Variants in MACROD2 observed in about 807,000 individuals in gnomAD.
The protein encoded by MACROD2 is mono-ADP ribosylhydrolase 2, also known as ADP-ribose glycohydrolase MACROD2.
In MACROD2, 36 loss-of-function variants were observed where a neutral mutation model predicts 70.4. The ratio of observed to expected loss-of-function variants is 0.51; its 90% CI spans 0.39 to 0.68. The LOEUF is 0.68. Among genes scored for constraint, MACROD2 ranks in the 30% least tolerant of loss-of-function variants. The pLI is 0.00. For missense variants in MACROD2, 496 were observed against 538.4 expected (o/e 0.92, Z 0.78); for synonymous variants, 172 against 178.8 (o/e 0.96, Z 0.30).
In MACROD2 at chr20:14,087,407, A is replaced by G. The variant is rs116569045; in HGVS notation, c.271+1679A>G. ...TTGAGACCATGTCTCAAAAAAAAAA[A>G]AAAGGATTGGATGTCAGTTGCTTTG... On this transcript the variant is annotated intron_variant, in intron 3 of 17. Coordinates refer to ENST00000684519, the MANE Select transcript of MACROD2 (RefSeq NM_001351661.2). Among the ~76,000 whole-genome samples, 1,153 of 152,156 alleles carry G rather than the reference A, an allele frequency of 7.6e-3. 15 individuals carry two copies. The highest frequency in any genetic ancestry group is 0.026 in the African/African-American group (1,082 of 41,508).
intron 4 of MACROD2, among the ~76,000 whole-genome samples, chr20:14,579,718 A>G (rs1404963783): frequency 6.6e-6 from 1 of 152,194 alleles, no homozygotes; most frequent in African/African-American, 2.4e-5. Flanking sequence ...TATTGCAATC[A>G]TTTTGTATTT....
At chr20:15,845,041 T>C (rs2064215042) in intron 8 of MACROD2, among the ~76,000 whole-genome samples, 1 of 152,162 alleles carries the variant, frequency 6.6e-6, no homozygotes, top group Non-Finnish European at 1.5e-5. Context: ...TCTAGTCAGC[T>C]AGTGAAACAA....
At position 14,757,638 on chromosome 20, in the gene MACROD2, T is replaced by G. The variant is rs2071958477; in HGVS notation, c.418+72679T>G. ...GAGGGAGTCATGGTGGCCAAGGACA[T>G]CCACATGCCTAAGCACCTGGAGCTG... On this transcript the variant is annotated intron_variant, in intron 5 of 17. Transcript: ENST00000684519. 3.5e-5 allele frequency: 42 copies of G among 1,213,492 alleles called. 2 individuals carry two copies. The South Asian group carries it at 4.9e-4, about 14-fold the overall frequency. 75.2% of individuals were successfully genotyped at this position (1,213,492 alleles called of 1,614,324 possible).
intron 8 of MACROD2, among the ~76,000 whole-genome samples, chr20:15,721,737 G>T (rs2423979): frequency 5.3e-5 from 8 of 151,842 alleles, no homozygotes; most frequent in African/African-American, 1.9e-4. Flanking sequence ...ATTTTGGGTG[G>T]ATCACACAAA....
At chr20:14,610,602 C>T (rs1208252720) in intron 4 of MACROD2, among the ~76,000 whole-genome samples, 1 of 151,950 alleles carries the variant, frequency 6.6e-6, no homozygotes, top group Non-Finnish European at 1.5e-5. Context: ...TTGCTTGTTG[C>T]TGATATTGTA....
chr20:14,571,581 T>C (rs1198452114), intron 4 of MACROD2, among the ~76,000 whole-genome samples: 1 of 152,100 alleles, frequency 6.6e-6, no homozygotes, highest in Admixed American at 6.5e-5. Context: ...TCATGGTCTC[T>C]AGTTGGAGCA....
intron 8 of MACROD2, among the ~76,000 whole-genome samples, chr20:15,541,057 T>C (rs2146567294): frequency 6.6e-6 from 1 of 152,246 alleles, no homozygotes. Context: ...TTTTTAGAGA[T>C]ACAATTCAAT....
chr20:15,043,672 G>A (rs1215477152), intron 5 of MACROD2, among the ~76,000 whole-genome samples: 1 of 152,030 alleles, frequency 6.6e-6, no homozygotes, highest in African/African-American at 2.4e-5. Context: ...TTCATTCACT[G>A]TGCTTCTCTC....
intron 4 of MACROD2, among the ~76,000 whole-genome samples, chr20:14,671,226 A>G (rs182571871): frequency 1.4e-3 from 216 of 152,282 alleles, no homozygotes; most frequent in Middle Eastern, 0.01. Flanking sequence ...GATCATGCGT[A>G]TGTGGAAGAA....
chr20:14,009,735 A>T (rs1262723517), intron 2 of MACROD2, among the ~76,000 whole-genome samples: 1 of 152,208 alleles, frequency 6.6e-6, no homozygotes, highest in African/African-American at 2.4e-5. Flanking sequence ...CCCACCAATG[A>T]TAGACTGGAT....
At chr20:15,304,192 G>T (rs1265935505) in intron 6 of MACROD2, among the ~76,000 whole-genome samples, 1 of 151,980 alleles carries the variant, frequency 6.6e-6, no homozygotes, top group East Asian at 1.9e-4. Flanking sequence ...GCATGACTGG[G>T]GTTGGAGATT....
At position 14,241,127 on chromosome 20, in the gene MACROD2, G is replaced by T. The variant is rs181461579; in HGVS notation, c.271+155399G>T. Among the ~76,000 whole-genome samples the T allele has an allele frequency of 7.2e-3, 1,099 of 152,114 alleles. 8 individuals carry two copies. Among genetic ancestry groups the T allele is most frequent in the Admixed American group, 9.9e-3 (152 of 15,284 alleles). On this transcript the variant is annotated intron_variant, in intron 3 of 17. Transcript: ENST00000684519. ...TGAGACTCCGTCTCAAAAAAAAAAA[G>T]TTTTTAAGAAATAAATACAAAAGAA...
intron 3 of MACROD2, among the ~76,000 whole-genome samples, chr20:14,354,507 T>C (rs1395580852): frequency 2.6e-5 from 4 of 152,210 alleles, no homozygotes; most frequent in Admixed American, 6.5e-5. Flanking sequence ...TTTAAAGTGA[T>C]GGATGGACTC....
intron 8 of MACROD2, among the ~76,000 whole-genome samples, chr20:15,794,584 T>C (rs1192318962): frequency 6.6e-6 from 1 of 152,232 alleles, no homozygotes; most frequent in African/African-American, 2.4e-5. Flanking sequence ...TGGTGGTTCA[T>C]TAGCTATTCT....
chr20:15,271,972 T>C (rs2077350114), intron 6 of MACROD2, among the ~76,000 whole-genome samples: 1 of 152,218 alleles, frequency 6.6e-6, no homozygotes. Flanking sequence ...ACTCCTAACA[T>C]TTATAATAAA....
intron 5 of MACROD2, among the ~76,000 whole-genome samples, chr20:15,019,173 G>A (rs184984160): frequency 9.9e-5 from 15 of 152,034 alleles, no homozygotes; most frequent in East Asian, 1.9e-4. Context: ...ACGCGCGCGC[G>A]CGCGCGGAGA....
intron 3 of MACROD2, among the ~76,000 whole-genome samples, chr20:14,339,937 C>A (rs2082996419): frequency 6.6e-6 from 1 of 152,124 alleles, no homozygotes; most frequent in South Asian, 2.1e-4. Context: ...TTTTTCACTT[C>A]CCGCTCTTAT....
chr20:15,990,086 A>G (rs765939921), intron 15 of MACROD2, among the ~76,000 whole-genome samples: 27 of 152,180 alleles, frequency 1.8e-4, no homozygotes, highest in Admixed American at 5.9e-4. Flanking sequence ...TGTCCCTGGG[A>G]GACCTGAAAT....
chr20:15,981,514 G>A lies in MACROD2; in HGVS notation c.986-5213G>A, dbSNP rs147758680. On this transcript the variant is annotated intron_variant, in intron 13 of 17. Transcript: ENST00000684519. ...ACTGGGTCTGTAGGCACTAATTCTCGGGCTTCTTATGGCCATTGATCTCTT... is the reference window on the plus strand; with the variant it reads ...ACTGGGTCTGTAGGCACTAATTCTCAGGCTTCTTATGGCCATTGATCTCTT... Among the ~76,000 whole-genome samples the A allele has an allele frequency of 1.6e-3, 250 of 152,096 alleles. 2 individuals are homozygous for A. In the East Asian group the frequency reaches 0.019, roughly 12 times the overall value.
Sources: gnomAD v4.1 joint callset for allele counts (sites outside exome capture counted in the v4.1 genomes callset) on GRCh38, gnomAD v4.1.1 for gene constraint, MANE v1.5 for transcripts, NCBI Gene and HGNC (gene_info 2026-07-23, HGNC 2026-07-21) for gene names.